CCDC33: variants seen among roughly 807,000 people sequenced by gnomAD.
The protein encoded by CCDC33 is coiled-coil domain-containing protein 33.
Under a neutral mutation model 91.9 loss-of-function variants are expected in CCDC33, and 94 were observed. The observed-to-expected ratio is 1.02, with a 90% CI of 0.87 to 1.21. The LOEUF (loss-of-function observed/expected upper bound fraction) is 1.21, where lower values mean the gene tolerates loss of function less well. Among genes scored for constraint, CCDC33 ranks in the 50% most tolerant of loss-of-function variants. The probability of loss-of-function intolerance (pLI) is 0.00; values close to 1 mark genes in which losing one functional copy is unlikely to be tolerated. For missense variants in CCDC33, 940 were observed against 935.5 expected (o/e 1.00, Z -0.06); for synonymous variants, 396 against 374.5 (o/e 1.06, Z -0.66).
intron 3 of CCDC33, among the ~76,000 whole-genome samples, chr15:74,262,869 G>C (rs1289230930): frequency 1.3e-5 from 2 of 152,136 alleles, no homozygotes; most frequent in African/African-American, 4.8e-5. Flanking sequence ...TACTGAAACA[G>C]GACATTACAG....
intron 1 of CCDC33, chr15:74,217,711 G>A: frequency 1.4e-6 from 1 of 724,678 alleles, no homozygotes; most frequent in Non-Finnish European, 1.9e-6. Context: ...GCATCCCAAA[G>A]CTCTGCCGGT....
intron 11 of CCDC33, among the ~76,000 whole-genome samples, chr15:74,299,048 G>A (rs2059743406): frequency 6.6e-6 from 1 of 152,118 alleles, no homozygotes; most frequent in Non-Finnish European, 1.5e-5. Context: ...ACCATTGTGA[G>A]CGACAGAGGA....
intron 1 of CCDC33, among the ~76,000 whole-genome samples, chr15:74,207,542 C>T (rs1035667870): frequency 4.6e-5 from 7 of 152,218 alleles, no homozygotes; most frequent in Admixed American, 2.0e-4. Flanking sequence ...CCCCGTTGCT[C>T]TCCACCCTCC....
chr15:74,203,021 C>G, exon 1 of CCDC33: 1 of 986,096 alleles, frequency 1.0e-6, no homozygotes, highest in Non-Finnish European at 1.2e-6. Flanking sequence ...AGCGCCTGCC[C>G]CAGAGCTCCC....
rs543651794 is a variant in CCDC33 at position 74,259,208 on chromosome 15, A to AG, written c.186-3226dup. Among the ~76,000 whole-genome samples, 349 of 151,672 alleles carry AG rather than the reference A, an allele frequency of 2.3e-3. 2 individuals carry two copies. Among genetic ancestry groups the AG allele is most frequent in the Non-Finnish European group, 3.1e-3 (213 of 67,824 alleles). On this transcript the variant is annotated intron_variant, in intron 2 of 18. Transcript: ENST00000398814. ...AGGGCAGGTCTTTGGGGGGACAGGG[A>AG]GGGGGGTCTCTCCTTGCAGACAGCC...
chr15:74,314,583 G>T (rs576277685), intron 11 of CCDC33, among the ~76,000 whole-genome samples: 18 of 152,160 alleles, frequency 1.2e-4, no homozygotes, highest in African/African-American at 4.1e-4. Flanking sequence ...CCCTCCCCCT[G>T]CCAGCCCCCT....
At chr15:74,293,024 AG>A (rs759668212) in intron 10 of CCDC33, among the ~76,000 whole-genome samples, 12 of 152,218 alleles carry the variant, frequency 7.9e-5, no homozygotes, top group Non-Finnish European at 1.5e-4. Flanking sequence ...GTGAGTGCCC[AG>A]CTCTGACCAG....
chr15:74,223,723 TACACACACACACACACAC>T (rs55820464), intron 2 of CCDC33, among the ~76,000 whole-genome samples: 8 of 112,190 alleles, frequency 7.1e-5, no homozygotes, highest in South Asian at 3.0e-4. Context: ...ACCGCCAGCA[TACACACACACACACACAC>T]ACACACACAC....
chr15:74,212,835 C>T (rs1350831215), upstream of CCDC33: 3 of 152,098 alleles, frequency 2.0e-5, no homozygotes, highest in Non-Finnish European at 2.9e-5. Flanking sequence ...TTATAGAAAT[C>T]AAAACCCCTT....
chr15:74,327,195 A>G (rs2060327032), intron 11 of CCDC33, among the ~76,000 whole-genome samples: 1 of 152,126 alleles, frequency 6.6e-6, no homozygotes, highest in African/African-American at 2.4e-5. Context: ...GTGGAGGCCT[A>G]TAGGACTAGT....
At chr15:74,330,860 A>G in intron 13 of CCDC33, 109 bp downstream of exon 13, 5 of 1,510,622 alleles carry the variant, frequency 3.3e-6, no homozygotes, top group Non-Finnish European at 4.5e-6. Flanking sequence ...GAATGGAAGC[A>G]CGGAAGAAAG....
rs991063773 is a variant in CCDC33 at position 74,332,692 on chromosome 15, C to G, written c.1785C>G (p.Leu595=). ...CCGTGTCTCTAGGCTTCCCTATGCTCTCAGCCTCTGGCCTTCCCTTGGGTT... is the reference window on the plus strand; with the variant it reads ...CCGTGTCTCTAGGCTTCCCTATGCTGTCAGCCTCTGGCCTTCCCTTGGGTT... ...QGKPYTGFPM[L]SASGLPLGSM... Residue 595 remains leucine, a synonymous_variant, in exon 16 of 19, where the codon CTC becomes CTG. Transcript: ENST00000398814. 1.9e-6 allele frequency: 3 copies of G among 1,614,042 alleles called. No homozygotes were observed. Among genetic ancestry groups the G allele is most frequent in the African/African-American group, 2.7e-5 (2 of 74,930 alleles).
At chr15:74,209,698 C>T (rs1392653313) in intron 2 of CCDC33, 1 of 498,160 alleles carries the variant, frequency 2.0e-6, no homozygotes, top group Non-Finnish European at 3.6e-6. Context: ...CCCCCCTCAC[C>T]TGAGCACAGG....
chr15:74,309,157 C>T (rs988238919), intron 11 of CCDC33, among the ~76,000 whole-genome samples: 1 of 152,166 alleles, frequency 6.6e-6, no homozygotes, highest in African/African-American at 2.4e-5. Context: ...GCCCTGAACC[C>T]ATGCATTGTT....
rs576747629 is a variant in CCDC33 at position 74,211,541 on chromosome 15, C to T, written n.237-605C>T. On this transcript the variant is annotated intron_variant and non_coding_transcript_variant, in intron 2 of 3. Coordinates refer to the CCDC33 transcript ENST00000558645. Reference sequence around the variant, plus strand: ...TCGGCCTCCCGAGTAGCTCGGATTACAGGCATGCACCACCATGCCCGGCTG... The same window carrying T: ...TCGGCCTCCCGAGTAGCTCGGATTATAGGCATGCACCACCATGCCCGGCTG... 3.1e-4 allele frequency among the ~76,000 whole-genome samples: 47 copies of T among 152,164 alleles called. No homozygotes were observed. In the South Asian group the frequency reaches 8.7e-3, roughly 28 times the overall value.
intron 2 of CCDC33, among the ~76,000 whole-genome samples, chr15:74,250,861 A>C (rs1344709242): frequency 5.3e-5 from 8 of 152,188 alleles, no homozygotes; most frequent in Non-Finnish European, 1.5e-5. Flanking sequence ...CCTGTCTCAA[A>C]GGGCTATAGA....
chr15:74,306,572 G>T (rs897777283), intron 11 of CCDC33, among the ~76,000 whole-genome samples: 10 of 152,112 alleles, frequency 6.6e-5, no homozygotes, highest in Non-Finnish European at 1.5e-4. Flanking sequence ...GCCTGGCCTG[G>T]GGTCTCACCA....
At chr15:74,267,450 C>T (rs2076196260) in intron 4 of CCDC33, among the ~76,000 whole-genome samples, 2 of 152,228 alleles carry the variant, frequency 1.3e-5, no homozygotes, top group Admixed American at 1.3e-4. Context: ...GCTCCTCACT[C>T]CAAGGTTGGG....
intron 16 of CCDC33, chr15:74,333,403 C>A (rs2060484402): frequency 5.0e-6 from 5 of 1,007,158 alleles, no homozygotes; most frequent in Non-Finnish European, 6.1e-6. Flanking sequence ...TTTACATAAA[C>A]CCCAAAGCAG....
Sources: allele counts gnomAD v4.1 joint callset (sites outside exome capture counted in the v4.1 genomes callset), GRCh38; gene constraint gnomAD v4.1.1; transcripts MANE v1.5; gene names NCBI Gene and HGNC (gene_info 2026-07-23, HGNC 2026-07-21).